The following TMEM131 variants were observed in gnomAD, a reference collection of about 807,000 sequenced individuals.
TMEM131 encodes the protein transmembrane protein 131, also known as 2610524E03Rik.
In TMEM131, 66 loss-of-function variants were observed where a neutral mutation model predicts 211.6. The observed-to-expected ratio is 0.31, with a 90% confidence interval of 0.26 to 0.38. The LOEUF (loss-of-function observed/expected upper bound fraction) is 0.38. Among genes scored for constraint, TMEM131 ranks in the 10% least tolerant of loss-of-function variants. The probability of loss-of-function intolerance (pLI) is 1.00; values close to 1 mark genes in which losing one functional copy is unlikely to be tolerated. For synonymous variants in TMEM131, 844 were observed against 841.3 expected (o/e 1.00, Z -0.06); for missense variants, 2,036 against 2,299.3 (o/e 0.89, Z 2.34).
At chr2:97,956,785 A>G (rs1678586326) in intron 1 of TMEM131, among the ~76,000 whole-genome samples, 2 of 152,282 alleles carry the variant, frequency 1.3e-5, no homozygotes, top group South Asian at 2.1e-4. Flanking sequence ...CATCTCTGAC[A>G]TAAATTTTAA....
rs551861849 is a variant in TMEM131, at chr2:97,948,909, G to A, written c.188-21422C>T. 5.9e-5 allele frequency among the ~76,000 whole-genome samples: 9 copies of A among 152,176 alleles called. No homozygotes were observed. The East Asian group carries it at 1.2e-3, about 20-fold the overall frequency. On this transcript the variant is annotated intron_variant, in intron 1 of 40. Coordinates refer to ENST00000186436, the MANE Select transcript of TMEM131 (RefSeq NM_015348.2). ...CCTGACCTCGTGATCTGCCCGTCTC[G>A]GCCTCCCAAAGTGCTGGGATTACAG... is the stretch of plus-strand genomic sequence containing the variant.
intron 3 of TMEM131, among the ~76,000 whole-genome samples, chr2:97,897,008 C>CTAT (rs34904355): frequency 0.75 from 113,849 of 151,682 alleles, 44,412 homozygotes; most frequent in African/African-American, 0.87. Context: ...TTTAATTACT[C>CTAT]TATATTACAG....
At position 97,793,651 on chromosome 2, in the gene TMEM131, T is replaced by C. The variant is rs890023583; in HGVS notation, c.3387-98A>G. The C allele has an allele frequency of 8.2e-6, 10 of 1,225,232 alleles. No individual in the cohort carries two copies. The South Asian group carries it at 1.5e-4, about 18-fold the overall frequency. The allele number at this position is 1,225,232 out of a possible 1,614,324, so 75.9% of individuals were successfully genotyped here. A position where few individuals can be genotyped will look rare whatever the true frequency, so the allele number is the denominator to read the frequency against. On this transcript the variant is annotated intron_variant, in intron 29 of 40. Transcript: ENST00000186436. ...GGCAGAGTTTCTTGGTAAAGTACAATATGATGTAATAGAAAACCAAGTTGT... is the reference window on the plus strand; with the variant it reads ...GGCAGAGTTTCTTGGTAAAGTACAACATGATGTAATAGAAAACCAAGTTGT...
At chr2:97,897,087 T>C (rs951594874) in intron 3 of TMEM131, among the ~76,000 whole-genome samples, 2 of 152,140 alleles carry the variant, frequency 1.3e-5, no homozygotes, top group African/African-American at 2.4e-5. Context: ...ATTTATGCCA[T>C]TGTAAATCAC....
intron 19 of TMEM131, among the ~76,000 whole-genome samples, chr2:97,807,804 A>C (rs1038395118): frequency 1.3e-5 from 2 of 149,358 alleles, no homozygotes; most frequent in Non-Finnish European, 3.0e-5. Flanking sequence ...TAATGGAAGG[A>C]AGAAACATGG....
intron 1 of TMEM131, among the ~76,000 whole-genome samples, chr2:97,966,628 G>A (rs1468959057): frequency 1.3e-5 from 2 of 152,092 alleles, no homozygotes; most frequent in Non-Finnish European, 2.9e-5. Context: ...ATAGCTTCAA[G>A]TTGGCTCACC....
chr2:97,865,142 A>G (rs1467994322), intron 4 of TMEM131, among the ~76,000 whole-genome samples: 2 of 152,260 alleles, frequency 1.3e-5, no homozygotes, highest in African/African-American at 4.8e-5. Context: ...TCACAAGAAG[A>G]GACAAAGACC....
At chr2:97,806,798 A>C (rs1235503468) in intron 19 of TMEM131, among the ~76,000 whole-genome samples, 1 of 152,222 alleles carries the variant, frequency 6.6e-6, no homozygotes, top group Non-Finnish European at 1.5e-5. Context: ...ATTTGGAATA[A>C]AAAATACAGA....
At position 97,805,697 on chromosome 2, in the gene TMEM131, T is replaced by C. The variant is rs1361224397; in HGVS notation, c.2062A>G (p.Ile688Val). The C allele has an allele frequency of 1.9e-6, 3 of 1,587,740 alleles. No homozygotes were observed. The highest frequency in any genetic ancestry group is 2.3e-5 in the East Asian group (1 of 44,392). The stretch of plus-strand genomic sequence containing the variant: ...ATAATATTTAAACTTTGATGAACTA[T>C]TTTCCCCTGAAGGAAGAAAGCAAAG... ...VVLPPSFPGK[I>V]VHQSLNIMNS... The change falls in exon 20 of 41, where the codon ATA becomes GTA. Residue 688 changes from isoleucine (I) to valine (V), a missense_variant. Around this residue, in one of 3 missense-constraint regions of TMEM131, gnomAD observed 1,623 missense variants for 1,805.9 expected, o/e 0.90. Coordinates refer to ENST00000186436, the MANE Select transcript of TMEM131 (RefSeq NM_015348.2).
Position 97,842,514 on chromosome 2 carries a change from AT to A in TMEM131, c.601-578del. On this transcript the variant is annotated intron_variant, in intron 6 of 40. Transcript: ENST00000186436. ...AGACAGACTGGATACCAATAAAAAG[AT>A]TTAAAAAAAAAATCCCTCTGCCAGA... Among the ~76,000 whole-genome samples, 3 of 61,236 alleles carry A rather than the reference AT, an allele frequency of 4.9e-5. No individual in the cohort carries two copies. The South Asian group carries it at 7.3e-4, about 15-fold the overall frequency. 40.2% of individuals were successfully genotyped at this position (61,236 alleles called of 152,430 possible).
At chr2:97,893,546 A>T (rs994523905) in intron 3 of TMEM131, among the ~76,000 whole-genome samples, 1 of 152,144 alleles carries the variant, frequency 6.6e-6, no homozygotes, top group African/African-American at 2.4e-5. Context: ...CATCCTCTCC[A>T]GCATCTGTCA....
chr2:97,792,113 A>C (rs1411000093), intron 31 of TMEM131, among the ~76,000 whole-genome samples: 3 of 152,252 alleles, frequency 2.0e-5, no homozygotes, highest in Admixed American at 1.3e-4. Flanking sequence ...ATCTATCACA[A>C]TAACACAATC....
Position 97,859,771 on chromosome 2 carries a change from T to C in TMEM131, c.360-344A>G, listed in dbSNP as rs963657121. On this transcript the variant is annotated intron_variant, in intron 4 of 40. Coordinates refer to ENST00000186436, the MANE Select transcript of TMEM131 (RefSeq NM_015348.2). ...CCGGCCTCCTACCAATTGTGTCCTC[T>C]TCTCAAATTCCACAGATACGTGCTC... Among the ~76,000 whole-genome samples, 11 of 152,284 alleles carry C rather than the reference T, an allele frequency of 7.2e-5. 1 individual carries two copies. Among genetic ancestry groups the C allele is most frequent in the Middle Eastern group, 3.4e-3 (1 of 294 alleles).
chr2:97,899,934 G>C (rs1441454422), intron 3 of TMEM131, among the ~76,000 whole-genome samples: 3 of 151,996 alleles, frequency 2.0e-5, no homozygotes, highest in Non-Finnish European at 4.4e-5. Context: ...TACACAATAC[G>C]GATGCTTCTT....
chr2:97,849,599 G>A (rs1012403032), intron 5 of TMEM131, among the ~76,000 whole-genome samples: 2 of 151,260 alleles, frequency 1.3e-5, no homozygotes, highest in Non-Finnish European at 2.9e-5. Flanking sequence ...CTAAAAGGGT[G>A]AATTTCACTG....
chr2:97,906,007 A>G (rs905921929), intron 3 of TMEM131, among the ~76,000 whole-genome samples: 1 of 152,230 alleles, frequency 6.6e-6, no homozygotes. Flanking sequence ...AATCTACTCT[A>G]AAAGAAAGCT....
At chr2:97,873,855 C>G (rs1674585811) in intron 4 of TMEM131, among the ~76,000 whole-genome samples, 1 of 152,156 alleles carries the variant, frequency 6.6e-6, no homozygotes, top group Non-Finnish European at 1.5e-5. Context: ...GGGAACAAAA[C>G]TGGATGGAGA....
chr2:97,788,486 C>T (rs1017490598), intron 31 of TMEM131, among the ~76,000 whole-genome samples: 3 of 152,160 alleles, frequency 2.0e-5, no homozygotes, highest in African/African-American at 7.2e-5. Flanking sequence ...AGTGAAAACC[C>T]GTATCCTGCC....
At chr2:97,781,758 G>T (rs1396242245) in intron 31 of TMEM131, among the ~76,000 whole-genome samples, 1 of 152,214 alleles carries the variant, frequency 6.6e-6, no homozygotes, top group Non-Finnish European at 1.5e-5. Flanking sequence ...GGGGTCTGAG[G>T]AAAGGCATGA....
Sources: gnomAD v4.1 joint callset for allele counts (sites outside exome capture counted in the v4.1 genomes callset) on GRCh38, gnomAD v4.1.1 for gene constraint, gnomAD v4.1.1 regional missense constraint, MANE v1.5 for transcripts, NCBI Gene and HGNC (gene_info 2026-07-23, HGNC 2026-07-21) for gene names.